HACL1: variants seen among roughly 807,000 people sequenced by gnomAD.
HACL1 encodes the protein 1600020H07Rik.
A neutral mutation model predicts 74.2 loss-of-function variants in HACL1; 64 were observed. That is an observed-to-expected ratio of 0.86 (90% confidence interval 0.70 to 1.06). The LOEUF (loss-of-function observed/expected upper bound fraction) is 1.06, where lower values mean the gene tolerates loss of function less well. Ranked by LOEUF, HACL1 falls within the 50% of genes least tolerant of loss-of-function variation. HACL1 has a pLI of 0.00. For missense variants in HACL1, 728 were observed against 719.7 expected (o/e 1.01, Z -0.13); for synonymous variants, 230 against 238.8 (o/e 0.96, Z 0.34).
intron 5 of HACL1, among the ~76,000 whole-genome samples, chr3:15,587,700 A>G (rs941112914): frequency 4.6e-5 from 7 of 152,230 alleles, no homozygotes; most frequent in Non-Finnish European, 1.0e-4. Context: ...ACACATAAGC[A>G]TCTTTTAAAT....
chr3:15,565,592 A>T (rs1275722888), intron 14 of HACL1, among the ~76,000 whole-genome samples: 1 of 152,264 alleles, frequency 6.6e-6, no homozygotes, highest in Non-Finnish European at 1.5e-5. Flanking sequence ...ATTTTCTAAC[A>T]TAATTTCCAA....
chr3:15,597,244 A>G (rs919452713), intron 2 of HACL1, among the ~76,000 whole-genome samples: 3 of 152,176 alleles, frequency 2.0e-5, no homozygotes, highest in East Asian at 3.8e-4. Flanking sequence ...TTAATTTCCA[A>G]AGGTCTGAGA....
intron 11 of HACL1, 51 bp from the exon 12 acceptor site, chr3:15,571,820 C>CTTTTTTTTG: frequency 3.3e-6 from 1 of 307,072 alleles, no homozygotes; most frequent in Non-Finnish European, 5.5e-6. Flanking sequence ...TTTTCTTTGC[C>CTTTTTTTTG]TTTTTTTTCT....
At chr3:15,563,300 G>T in intron 16 of HACL1, 58 bp downstream of exon 16, 1 of 1,143,328 alleles carries the variant, frequency 8.7e-7, no homozygotes, top group Non-Finnish European at 1.3e-6. Context: ...GATACTTTTT[G>T]GAGGGGGATA....
chr3:15,563,903 A>ATGCC (rs2063388166), intron 15 of HACL1, among the ~76,000 whole-genome samples: 2 of 152,264 alleles, frequency 1.3e-5, no homozygotes, highest in South Asian at 4.1e-4. Flanking sequence ...CAGTTGCAGC[A>ATGCC]TGCCTAGTGG....
chr3:15,580,120 A>G, intron 8 of HACL1, 75 bp from the exon 9 acceptor site: 1 of 1,211,356 alleles, frequency 8.3e-7, no homozygotes. Context: ...GTTCATGTGA[A>G]ATTGCTTTTT....
At chr3:15,563,621 C>A in intron 15 of HACL1, 77 bp from the exon 16 acceptor site, 2 of 907,080 alleles carry the variant, frequency 2.2e-6, no homozygotes, top group East Asian at 2.6e-5. Flanking sequence ...TGAAATACTT[C>A]ATTAAAAAAA....
chr3:15,582,494 G>A (rs951958215), intron 8 of HACL1, among the ~76,000 whole-genome samples: 2 of 152,066 alleles, frequency 1.3e-5, no homozygotes, highest in African/African-American at 4.8e-5. Context: ...AATGAATAAG[G>A]TAGAATATAA....
intron 9 of HACL1, among the ~76,000 whole-genome samples, chr3:15,578,464 T>G (rs952546748): frequency 6.6e-6 from 1 of 152,192 alleles, no homozygotes; most frequent in African/African-American, 2.4e-5. Flanking sequence ...AGGGTAAGTT[T>G]CCAAGGTATT....
At chr3:15,598,367 C>A (rs1157338664) in intron 2 of HACL1, among the ~76,000 whole-genome samples, 1 of 152,200 alleles carries the variant, frequency 6.6e-6, no homozygotes, top group Non-Finnish European at 1.5e-5. Flanking sequence ...TACTAAACTA[C>A]CTCCATTCAC....
In HACL1 at chr3:15,586,556, C is replaced by G. The variant is rs562972022; in HGVS notation, c.428G>C (p.Ser143Thr). The change falls in exon 6 of 17, where the codon AGC becomes ACC. Residue 143 changes from serine (S) to threonine (T), a missense_variant. Coordinates refer to ENST00000321169, the MANE Select transcript of HACL1 (RefSeq NM_012260.4). The part of the protein sequence containing the change: ...LYTKFSARPS[S>T]IEAIPFVIEK... ...AATAACAAAAGGAATAGCTTCTATG[C>G]TGCTTGGGCGGGCAGAGAACTTGGT... 6.3e-7 allele frequency: 1 copy of G among 1,599,840 alleles called. No individual in the cohort carries two copies. The highest frequency in any genetic ancestry group is 2.2e-5 in the East Asian group (1 of 44,638).
chr3:15,575,915 T>C (rs1417793826), intron 9 of HACL1, among the ~76,000 whole-genome samples: 2 of 151,754 alleles, frequency 1.3e-5, no homozygotes, highest in Non-Finnish European at 2.9e-5. Context: ...CCCAACACTT[T>C]GGGAGGCAGA....
chr3:15,568,687 C>T lies in HACL1; in HGVS notation c.1096-101G>A, dbSNP rs572981785. 6 of 700,300 alleles carry T rather than the reference C, an allele frequency of 8.6e-6. No homozygotes were observed. In the Admixed American group the frequency reaches 1.4e-4, roughly 16 times the overall value. 43.4% of individuals were successfully genotyped at this position (700,300 alleles called of 1,614,324 possible). On this transcript the variant is annotated intron_variant, in intron 12 of 16. Coordinates refer to ENST00000321169, the MANE Select transcript of HACL1 (RefSeq NM_012260.4). ...AAACTTATTTGGAAATACGCAACAA[C>T]TACAAGCTACAAGGTTTCCAAATGG...
chr3:15,589,899 C>T (rs1359926574), intron 4 of HACL1, among the ~76,000 whole-genome samples: 2 of 151,476 alleles, frequency 1.3e-5, no homozygotes, highest in Non-Finnish European at 2.9e-5. Flanking sequence ...GCCAGGCGTG[C>T]TGGTGGGCGC....
Position 15,585,252 on chromosome 3 carries a change from T to G in HACL1, c.550A>C (p.Ile184Leu), listed in dbSNP as rs767236784. 37 of 1,485,196 alleles carry G rather than the reference T, an allele frequency of 2.5e-5. No individual in the cohort carries two copies. The South Asian group carries it at 3.8e-4, about 15-fold the overall frequency. The allele number at this position is 1,485,196 out of a possible 1,614,324, so 92.0% of individuals were successfully genotyped here. A position where few individuals can be genotyped will look rare whatever the true frequency, so the allele number is the denominator to read the frequency against. ...TCCAGCATAACTATTACTCACTTTATAGAATTCACATTCACCTGAAGGTTC... is the reference window on the plus strand; with the variant it reads ...TCCAGCATAACTATTACTCACTTTAGAGAATTCACATTCACCTGAAGGTTC... ...FVNLQVNVNS[I>L]KYMERCMSPP... The change falls in exon 7 of 17, where the codon ATA (isoleucine) becomes CTA (leucine). Residue 184 changes from isoleucine (I) to leucine (L), a missense_variant. By Grantham distance (5) the Ile-to-Leu change is conservative. Transcript: ENST00000321169.
Position 15,571,648 on chromosome 3 carries a change from G to A in HACL1, c.1095+20C>T, listed in dbSNP as rs369844763. The A allele has an allele frequency of 1.1e-5, 11 of 983,820 alleles. No individual in the cohort carries two copies. Among genetic ancestry groups the A allele is most frequent in the Admixed American group, 3.4e-5 (2 of 58,718 alleles). The allele number at this position is 983,820 out of a possible 1,614,324, so 60.9% of individuals were successfully genotyped here. A position where few individuals can be genotyped will look rare whatever the true frequency, so the allele number is the denominator to read the frequency against. On this transcript the variant is annotated intron_variant, in intron 12 of 16. Transcript: ENST00000321169. ...TCATGAGCCTGACCTGTTATTGAGC[G>A]TCAGTAGGTCCGATTTTACCTTGGA...
At chr3:15,598,834 G>T (rs530005269) in intron 2 of HACL1, among the ~76,000 whole-genome samples, 6 of 152,314 alleles carry the variant, frequency 3.9e-5, no homozygotes, top group Admixed American at 2.0e-4. Context: ...ATAGAGTCAG[G>T]ATGCTTGAGG....
chr3:15,598,575 A>T (rs755686843), intron 2 of HACL1, among the ~76,000 whole-genome samples: 2 of 152,228 alleles, frequency 1.3e-5, no homozygotes, highest in Non-Finnish European at 2.9e-5. Context: ...AACACTCAAA[A>T]TAGTGCCCAC....
intron 8 of HACL1, among the ~76,000 whole-genome samples, chr3:15,582,472 A>T (rs2063730434): frequency 6.6e-6 from 1 of 152,204 alleles, no homozygotes; most frequent in South Asian, 2.1e-4. Context: ...GATGAAAAAT[A>T]TTATAATCTT....
Sources: allele counts gnomAD v4.1 joint callset (sites outside exome capture counted in the v4.1 genomes callset), GRCh38; gene constraint gnomAD v4.1.1; transcripts MANE v1.5; gene names NCBI Gene and HGNC (gene_info 2026-07-23, HGNC 2026-07-21).